Variants in COL5A2 observed in about 807,000 individuals in gnomAD.
The protein encoded by COL5A2 is collagen alpha-2(V) chain.
COL5A2 carries 23 observed loss-of-function variants against 208.2 expected under a neutral mutation model. That is an observed-to-expected ratio of 0.11 (90% CI 0.08 to 0.16). The LOEUF (loss-of-function observed/expected upper bound fraction) is 0.16, where lower values mean the gene tolerates loss of function less well. Ranked by LOEUF, COL5A2 falls within the 10% of genes least tolerant of loss-of-function variation. The probability of loss-of-function intolerance (pLI) is 1.00; values close to 1 mark genes in which losing one functional copy is unlikely to be tolerated. For missense variants in COL5A2, 1,590 were observed against 1,956.4 expected (o/e 0.81, Z 3.53); for synonymous variants, 625 against 628.5 (o/e 0.99, Z 0.08).
At chr2:189,390,407 A>C in the COL5A2 span, among the ~76,000 whole-genome samples, 1 of 152,224 alleles carries the variant, frequency 6.6e-6, no homozygotes, top group Non-Finnish European at 1.5e-5. Flanking sequence ...TGTCTTTATC[A>C]AAAGAGTAAA....
At position 189,033,993 on chromosome 2, in the gene COL5A2, C is replaced by A. The variant is rs1344136909; in HGVS notation, c.*77G>T. ...ATTACTTCAAGAGTCTCAGGATCAA[C>A]TTCAAACAGTCAAAGTTCTTGTGAA... On this transcript the variant is annotated 3_prime_UTR_variant, in exon 54 of 54. Coordinates refer to ENST00000374866, the MANE Select transcript of COL5A2 (RefSeq NM_000393.5). The A allele has an allele frequency of 1.2e-6, 2 of 1,600,302 alleles. No homozygotes were observed. Among genetic ancestry groups the A allele is most frequent in the Non-Finnish European group, 1.7e-6 (2 of 1,169,850 alleles).
At chr2:189,369,671 G>A in the COL5A2 span, among the ~76,000 whole-genome samples, 2 of 152,094 alleles carry the variant, frequency 1.3e-5, no homozygotes. Context: ...AGTATTCTAC[G>A]ATAATGTGAC....
chr2:189,203,615 C>A (rs1205582000), intron 1 of COL5A2, among the ~76,000 whole-genome samples: 1 of 152,136 alleles, frequency 6.6e-6, no homozygotes, highest in Admixed American at 6.5e-5. Context: ...GTTTCATGGT[C>A]GAGGCCACGC....
chr2:189,216,471 T>G (rs1689280997), intron 1 of COL5A2, among the ~76,000 whole-genome samples: 1 of 152,012 alleles, frequency 6.6e-6, no homozygotes. Flanking sequence ...TCGAGATGCC[T>G]GCTGCCTTGG....
chr2:189,387,922 C>G, the COL5A2 span, among the ~76,000 whole-genome samples: 2 of 152,248 alleles, frequency 1.3e-5, no homozygotes, highest in Admixed American at 1.3e-4. Flanking sequence ...GTAGTTGGGA[C>G]TACAGGCACA....
At chr2:189,328,143 T>G in the COL5A2 span, among the ~76,000 whole-genome samples, 2 of 152,176 alleles carry the variant, frequency 1.3e-5, no homozygotes, top group Non-Finnish European at 2.9e-5. Context: ...AGTTATGCGA[T>G]TCCAACAAAA....
Position 189,213,057 on chromosome 2 carries a change from T to G in COL5A2, c.-42+12091A>C, listed in dbSNP as rs116507978. ...GCGCATGTCACCATGACTAGCTAAT[T>G]TTTTAGATTTTTAGTAGAGACGGGG... On this transcript the variant is annotated intron_variant, in intron 1 of 10. Transcript: ENST00000649966. Among the ~76,000 whole-genome samples, 846 of 151,908 alleles carry G rather than the reference T, an allele frequency of 5.6e-3. 9 individuals are homozygous for G. The highest frequency in any genetic ancestry group is 0.019 in the African/African-American group (807 of 41,432).
In COL5A2 at chr2:189,106,591, CT is replaced by C. The variant is rs1319278676; in HGVS notation, c.323-2315del. On this transcript the variant is annotated intron_variant, in intron 2 of 53. Transcript: ENST00000374866. ...TTTAGAGTTTTGAAACCTCTGATTT[CT>C]TTTTTTAATGTCAAATTATTTATTC... Among the ~76,000 whole-genome samples the C allele has an allele frequency of 4.0e-5, 6 of 150,706 alleles. No homozygotes were observed. In the South Asian group the frequency reaches 1.0e-3, roughly 26 times the overall value.
At chr2:189,140,004 C>T (rs1350507265) in intron 1 of COL5A2, among the ~76,000 whole-genome samples, 1 of 151,942 alleles carries the variant, frequency 6.6e-6, no homozygotes, top group Admixed American at 6.6e-5. Context: ...ATCCAGGAGA[C>T]AGAGGTTGCA....
the COL5A2 span, among the ~76,000 whole-genome samples, chr2:189,245,304 C>A: frequency 6.6e-6 from 1 of 152,002 alleles, no homozygotes; most frequent in East Asian, 1.9e-4. Context: ...GATGTTACTT[C>A]TTTGGTTTTA....
intron 1 of COL5A2, among the ~76,000 whole-genome samples, chr2:189,149,741 A>T (rs990619230): frequency 2.0e-5 from 3 of 152,154 alleles, no homozygotes; most frequent in Non-Finnish European, 4.4e-5. Flanking sequence ...CATTTTCCTA[A>T]GTGTTTAGTG....
chr2:189,045,717 CTA>C (rs774373246), intron 46 of COL5A2, 81 bp downstream of exon 46: 15 of 1,013,076 alleles, frequency 1.5e-5, no homozygotes, highest in African/African-American at 9.5e-5. Flanking sequence ...ACATGTATGA[CTA>C]TGTGTGTGTG....
At chr2:189,070,835 A>G (rs1686258327) in intron 18 of COL5A2, among the ~76,000 whole-genome samples, 1 of 152,156 alleles carries the variant, frequency 6.6e-6, no homozygotes, top group African/African-American at 2.4e-5. Flanking sequence ...GGAGCAGATC[A>G]GATTCAGAGG....
At chr2:189,179,951 T>A, upstream of COL5A2, 1 of 515,346 alleles carries the variant, frequency 1.9e-6, no homozygotes, top group Middle Eastern at 5.0e-4. Context: ...ATTTAACTTT[T>A]AAGCATAGAT....
intron 29 of COL5A2, 63 bp from the exon 30 acceptor site, chr2:189,061,678 G>A: frequency 1.2e-5 from 14 of 1,169,428 alleles, no homozygotes; most frequent in East Asian, 2.4e-5. Flanking sequence ...TCCTCTCTAC[G>A]TGAACCACTA....
At chr2:189,213,105 G>C (rs562728287) in intron 1 of COL5A2, among the ~76,000 whole-genome samples, 14 of 151,942 alleles carry the variant, frequency 9.2e-5, no homozygotes, top group East Asian at 5.8e-4. Flanking sequence ...GGTCAGGCTG[G>C]TCTAGAACTC....
chr2:189,385,644 GA>G, the COL5A2 span, among the ~76,000 whole-genome samples: 2 of 147,166 alleles, frequency 1.4e-5, no homozygotes, highest in Admixed American at 6.8e-5. Context: ...ATACAGAATC[GA>G]AAAAAAAACC....
At chr2:189,342,688 A>ATGT in the COL5A2 span, among the ~76,000 whole-genome samples, 3 of 148,642 alleles carry the variant, frequency 2.0e-5, no homozygotes, top group Non-Finnish European at 4.5e-5. Context: ...CACAATAAAT[A>ATGT]TGTTGTTTTT....
At chr2:189,140,341 T>C (rs1237921576) in intron 1 of COL5A2, among the ~76,000 whole-genome samples, 4 of 152,220 alleles carry the variant, frequency 2.6e-5, no homozygotes, top group Non-Finnish European at 5.9e-5. Context: ...CACAGCCCTC[T>C]GATTCTACAT....
Sources: gnomAD v4.1 joint callset for allele counts (sites outside exome capture counted in the v4.1 genomes callset) on GRCh38, gnomAD v4.1.1 for gene constraint, MANE v1.5 for transcripts, NCBI Gene and HGNC (gene_info 2026-07-23, HGNC 2026-07-21) for gene names.